Variants in PAX3 observed in about 807,000 individuals in gnomAD.
PAX3 encodes the protein paired box 3.
PAX3 carries 14 observed loss-of-function variants against 51.6 expected under a neutral mutation model. That is an observed-to-expected ratio of 0.27 (90% confidence interval 0.18 to 0.42). PAX3 has a LOEUF of 0.42. Among genes scored for constraint, PAX3 ranks in the 10% least tolerant of loss-of-function variants. PAX3 has a pLI of 1.00. For synonymous variants in PAX3, 280 were observed against 253.4 expected (o/e 1.11, Z -1.00); for missense variants, 540 against 642.8 (o/e 0.84, Z 1.73).
rs1260961689 is a variant in PAX3 at position 222,230,087 on chromosome 2, G to T, written c.792+1991C>A. ...ACTATCTGGGAGGCTGAGGTGGGAG[G>T]ATCACCTGAGCTCAGGAGGTGTAGG... is the stretch of plus-strand genomic sequence containing the variant. On this transcript the variant is annotated intron_variant, in intron 5 of 8. Transcript: ENST00000392070. Among the ~76,000 whole-genome samples, 3 of 151,858 alleles carry T rather than the reference G, an allele frequency of 2.0e-5. No homozygotes were observed. The East Asian group carries it at 5.8e-4, about 29-fold the overall frequency.
chr2:222,293,983 T>C, intron 4 of PAX3, 184 bp downstream of exon 4: 2 of 1,524,838 alleles, frequency 1.3e-6, no homozygotes, highest in Non-Finnish European at 8.8e-7. Context: ...AATAGAAATG[T>C]TTGTTTTGAT....
chr2:222,293,020 A>G (rs1315817788), intron 4 of PAX3, among the ~76,000 whole-genome samples: 1 of 152,214 alleles, frequency 6.6e-6, no homozygotes, highest in East Asian at 1.9e-4. Context: ...GAGTTGGGCA[A>G]TGAAGATAAA....
In PAX3 at chr2:222,276,109, G is replaced by T. The variant is rs552864671; in HGVS notation, c.586+18058C>A. Among the ~76,000 whole-genome samples, 20 of 152,262 alleles carry T rather than the reference G, an allele frequency of 1.3e-4. No individual in the cohort carries two copies. The South Asian group carries it at 3.7e-3, about 28-fold the overall frequency. On this transcript the variant is annotated intron_variant, in intron 4 of 8. Transcript: ENST00000392070. ...CCCTTTCTGGACACAGGAAGAAATC[G>T]TCCAGGCATAGACGAAAGAGGGAAT...
At chr2:222,251,933 C>A (rs1476975779) in intron 4 of PAX3, among the ~76,000 whole-genome samples, 1 of 152,118 alleles carries the variant, frequency 6.6e-6, no homozygotes, top group African/African-American at 2.4e-5. Flanking sequence ...TAAGAAAAAT[C>A]ATCACAAACA....
intron 4 of PAX3, among the ~76,000 whole-genome samples, chr2:222,241,355 T>C (rs76995283): frequency 0.012 from 1,815 of 152,302 alleles, 40 homozygotes; most frequent in African/African-American, 0.041. Context: ...ATTGAGCTGC[T>C]GACATGTGTT....
chr2:222,210,537 T>A (rs557881138), intron 7 of PAX3, among the ~76,000 whole-genome samples: 2 of 152,288 alleles, frequency 1.3e-5, no homozygotes, highest in East Asian at 3.9e-4. Flanking sequence ...AACAACAGGA[T>A]GACCCTCTCC....
chr2:222,203,533 C>A (rs774841237), intron 7 of PAX3, among the ~76,000 whole-genome samples: 4 of 152,028 alleles, frequency 2.6e-5, no homozygotes, highest in Non-Finnish European at 5.9e-5. Flanking sequence ...AAATGACAAC[C>A]AAGCCCTGAC....
intron 7 of PAX3, among the ~76,000 whole-genome samples, chr2:222,205,728 G>C (rs1691478991): frequency 6.6e-6 from 1 of 152,034 alleles, no homozygotes; most frequent in Non-Finnish European, 1.5e-5. Flanking sequence ...GTGTGTTGGT[G>C]GGGGGAGTGA....
intron 4 of PAX3, chr2:222,293,772 G>T: frequency 6.2e-6 from 10 of 1,614,106 alleles, no homozygotes; most frequent in Non-Finnish European, 8.5e-6. Flanking sequence ...GGGCATAAAA[G>T]CTACTTCAAC....
In PAX3 at chr2:222,220,306, G is replaced by A. The variant is rs2106072282; in HGVS notation, c.1007C>T (p.Pro336Leu). 6.2e-7 allele frequency: 1 copy of A among 1,614,072 alleles called. No individual in the cohort carries two copies. Among genetic ancestry groups the A allele is most frequent in the Non-Finnish European group, 8.5e-7 (1 of 1,179,962 alleles). Reference protein sequence around the residue: ...STVHRPQPLPPSTVHQSTIPS... With the variant: ...STVHRPQPLPLSTVHQSTIPS... ...AATCGTGCTTTGGTGTACAGTGCTT[G>A]GAGGAAGCGGTTGAGGTCTGTGAAC... The change falls in exon 7 of 9, where the codon CCA becomes CTA. Residue 336 changes from proline to leucine, a missense_variant. Around this residue, in one of 3 missense-constraint regions of PAX3, gnomAD observed 427 missense variants for 483.6 expected, o/e 0.88. Transcript: ENST00000392070.
chr2:222,233,509 G>T (rs549133837), intron 4 of PAX3, among the ~76,000 whole-genome samples: 13 of 152,222 alleles, frequency 8.5e-5, no homozygotes, highest in Non-Finnish European at 1.6e-4. Flanking sequence ...CATTTTCCCT[G>T]TTTCTGCTAG....
chr2:222,250,481 G>A (rs932183409), intron 4 of PAX3, among the ~76,000 whole-genome samples: 1 of 152,078 alleles, frequency 6.6e-6, no homozygotes, highest in Non-Finnish European at 1.5e-5. Flanking sequence ...GTAACATCTT[G>A]CAGAGGAAAT....
intron 4 of PAX3, among the ~76,000 whole-genome samples, chr2:222,275,591 T>G (rs1292146374): frequency 1.3e-5 from 2 of 151,942 alleles, no homozygotes; most frequent in East Asian, 3.9e-4. Flanking sequence ...AGATGATTTT[T>G]GAAATAATTT....
chr2:222,264,864 C>CACCATGTG (rs1693987010), intron 4 of PAX3: 1 of 152,232 alleles, frequency 6.6e-6, no homozygotes, highest in South Asian at 2.1e-4. Flanking sequence ...TTCTCACATG[C>CACCATGTG]ACCATGTGAC....
intron 4 of PAX3, among the ~76,000 whole-genome samples, chr2:222,245,141 G>T (rs1429464532): frequency 6.6e-6 from 1 of 152,018 alleles, no homozygotes; most frequent in Non-Finnish European, 1.5e-5. Context: ...GAACGAGACT[G>T]TCTCAAAAAA....
chr2:222,217,042 AG>A (rs1220793001), intron 7 of PAX3, among the ~76,000 whole-genome samples: 1 of 152,208 alleles, frequency 6.6e-6, no homozygotes, highest in Non-Finnish European at 1.5e-5. Flanking sequence ...GACAGAGAAA[AG>A]GCAAGATACA....
At chr2:222,229,717 T>A (rs1692514820) in intron 5 of PAX3, among the ~76,000 whole-genome samples, 1 of 152,194 alleles carries the variant, frequency 6.6e-6, no homozygotes, top group African/African-American at 2.4e-5. Context: ...TACATTCTAA[T>A]CAAACTAACT....
At chr2:222,223,104 G>A (rs1222339572) in intron 5 of PAX3, among the ~76,000 whole-genome samples, 2 of 152,160 alleles carry the variant, frequency 1.3e-5, no homozygotes. Flanking sequence ...TTTAAGAGCG[G>A]AGGAAAAGAT....
Position 222,255,738 on chromosome 2 carries a change from T to G in PAX3, c.587-23455A>C, listed in dbSNP as rs544006868. ...CAGTGTGGCCATAGCACATGCTATT[T>G]CACACGTCTGTAATAGAATAGTAAC... On this transcript the variant is annotated intron_variant, in intron 4 of 8. Coordinates refer to ENST00000392070, the MANE Select transcript of PAX3 (RefSeq NM_181458.4). Among the ~76,000 whole-genome samples the G allele has an allele frequency of 2.0e-5, 3 of 152,062 alleles. No individual in the cohort carries two copies. The East Asian group carries it at 5.8e-4, about 29-fold the overall frequency.
Sources: allele counts gnomAD v4.1 joint callset (sites outside exome capture counted in the v4.1 genomes callset), GRCh38; gene constraint gnomAD v4.1.1; regional missense constraint gnomAD v4.1.1; transcripts MANE v1.5; gene names NCBI Gene and HGNC (gene_info 2026-07-23, HGNC 2026-07-21).